KCNH7: variants seen among roughly 807,000 people sequenced by gnomAD.
The protein encoded by KCNH7 is voltage-gated inwardly rectifying potassium channel KCNH7.
KCNH7 carries 49 observed loss-of-function variants against 120.8 expected under a neutral mutation model. The ratio of observed to expected loss-of-function variants is 0.41; its 90% CI spans 0.32 to 0.51. KCNH7 has a LOEUF of 0.51. KCNH7 is among the 20% of genes least tolerant of loss of function. The probability of loss-of-function intolerance (pLI) is 0.38; values close to 1 mark genes in which losing one functional copy is unlikely to be tolerated. For synonymous variants in KCNH7, 547 were observed against 516.1 expected (o/e 1.06, Z -0.81); for missense variants, 1,097 against 1,446.6 (o/e 0.76, Z 3.92).
chr2:162,821,879 T>C (rs973903144), intron 2 of KCNH7, among the ~76,000 whole-genome samples: 2 of 151,938 alleles, frequency 1.3e-5, no homozygotes, highest in Admixed American at 6.6e-5. Flanking sequence ...ACTGTGTGAA[T>C]TGAGGAACTT....
chr2:162,528,424 T>C (rs973692380), intron 3 of KCNH7: 2 of 152,002 alleles, frequency 1.3e-5, no homozygotes, highest in African/African-American at 4.8e-5. Flanking sequence ...ACAGGACCCA[T>C]GTGGGTGAGT....
At chr2:162,686,580 T>G (rs961909780) in intron 2 of KCNH7, among the ~76,000 whole-genome samples, 5 of 152,140 alleles carry the variant, frequency 3.3e-5, no homozygotes, top group Admixed American at 3.3e-4. Context: ...TGCAAATTAG[T>G]TCAGCCTTTA....
chr2:162,586,939 T>C (rs1008978729), intron 2 of KCNH7, among the ~76,000 whole-genome samples: 1 of 152,120 alleles, frequency 6.6e-6, no homozygotes, highest in Non-Finnish European at 1.5e-5. Context: ...AGACTCCATG[T>C]CCAATTTAAG....
At chr2:162,441,995 T>G (rs958386480) in intron 7 of KCNH7, among the ~76,000 whole-genome samples, 29 of 101,680 alleles carry the variant, frequency 2.9e-4, no homozygotes, top group Admixed American at 7.5e-4. Flanking sequence ...AATAGTTAGG[T>G]CTTCTTTTTT....
At chr2:162,771,309 T>C (rs559911389) in intron 2 of KCNH7, among the ~76,000 whole-genome samples, 1 of 152,286 alleles carries the variant, frequency 6.6e-6, no homozygotes, top group South Asian at 2.1e-4. Context: ...TGAAATGAAA[T>C]TTCTCATGAT....
intron 6 of KCNH7, among the ~76,000 whole-genome samples, chr2:162,490,663 C>T (rs1690268863): frequency 6.6e-6 from 1 of 152,184 alleles, no homozygotes; most frequent in Non-Finnish European, 1.5e-5. Context: ...GGCGCAGCTA[C>T]AGAGGACAGG....
chr2:162,779,223 C>CA (rs1313482788), intron 2 of KCNH7, among the ~76,000 whole-genome samples: 4 of 151,860 alleles, frequency 2.6e-5, no homozygotes, highest in African/African-American at 9.7e-5. Flanking sequence ...GTTTTTGAGA[C>CA]AGAGTCTTGC....
chr2:162,548,617 T>C (rs1692559711), intron 2 of KCNH7, among the ~76,000 whole-genome samples: 1 of 151,942 alleles, frequency 6.6e-6, no homozygotes, highest in South Asian at 2.1e-4. Context: ...GAGTGATAGG[T>C]TATTTGTTCC....
intron 2 of KCNH7, among the ~76,000 whole-genome samples, chr2:162,547,740 T>C (rs1692529577): frequency 6.6e-6 from 1 of 150,488 alleles, no homozygotes; most frequent in South Asian, 2.1e-4. Flanking sequence ...GAGGCCTTCA[T>C]TTACACCTAT....
At chr2:162,708,946 T>A (rs952582410) in intron 2 of KCNH7, among the ~76,000 whole-genome samples, 1 of 152,052 alleles carries the variant, frequency 6.6e-6, no homozygotes, top group South Asian at 2.1e-4. Flanking sequence ...AGGCACTCAA[T>A]AGATGATTGC....
intron 2 of KCNH7, among the ~76,000 whole-genome samples, chr2:162,770,340 A>T (rs1682999108): frequency 6.7e-6 from 1 of 149,934 alleles, no homozygotes; most frequent in African/African-American, 2.4e-5. Context: ...ATATATATAC[A>T]TTCATATATA....
intron 2 of KCNH7, among the ~76,000 whole-genome samples, chr2:162,736,718 T>G (rs145723751): frequency 1.3e-5 from 2 of 151,966 alleles, no homozygotes; most frequent in African/African-American, 4.8e-5. Context: ...CAGAGGAAGA[T>G]AGAGAGCATC....
chr2:162,581,712 C>A (rs1693870982), intron 2 of KCNH7, among the ~76,000 whole-genome samples: 1 of 151,990 alleles, frequency 6.6e-6, no homozygotes, highest in African/African-American at 2.4e-5. Context: ...ATATCTATTT[C>A]ATTGGGTAAT....
intron 6 of KCNH7, among the ~76,000 whole-genome samples, chr2:162,484,851 G>A (rs777925436): frequency 2.6e-4 from 39 of 152,168 alleles, no homozygotes; most frequent in Non-Finnish European, 5.7e-4. Context: ...CTCTGTGCAT[G>A]TTGGCTCCTC....
At chr2:162,520,189 C>T (rs1426851778) in intron 3 of KCNH7, among the ~76,000 whole-genome samples, 1 of 124,534 alleles carries the variant, frequency 8.0e-6, no homozygotes, top group Non-Finnish European at 1.6e-5. Flanking sequence ...TAGTGAATGG[C>T]ATCACAATCC....
At chr2:162,443,773 T>C (rs575625560) in intron 7 of KCNH7, among the ~76,000 whole-genome samples, 2 of 152,298 alleles carry the variant, frequency 1.3e-5, no homozygotes, top group East Asian at 1.9e-4. Flanking sequence ...AAAGACTCCA[T>C]TGCAGCCAGA....
chr2:162,704,066 G>A (rs1013049031), intron 2 of KCNH7, among the ~76,000 whole-genome samples: 1 of 152,104 alleles, frequency 6.6e-6, no homozygotes, highest in South Asian at 2.1e-4. Flanking sequence ...AAGGGTTACA[G>A]TGAAAACTAT....
chr2:162,676,658 C>T (rs1685539381), intron 2 of KCNH7, among the ~76,000 whole-genome samples: 1 of 151,430 alleles, frequency 6.6e-6, no homozygotes, highest in Non-Finnish European at 1.5e-5. Flanking sequence ...ACTTTTGAGG[C>T]AATTTTTAAA....
At chr2:162,601,882 T>A (rs765402548) in intron 2 of KCNH7, among the ~76,000 whole-genome samples, 2 of 152,108 alleles carry the variant, frequency 1.3e-5, no homozygotes, top group African/African-American at 2.4e-5. Context: ...TGGATTAATG[T>A]CAATTTTAAG....
Sources: allele counts gnomAD v4.1 joint callset (sites outside exome capture counted in the v4.1 genomes callset), GRCh38; gene constraint gnomAD v4.1.1; transcripts MANE v1.5; gene names NCBI Gene and HGNC (gene_info 2026-07-23, HGNC 2026-07-21).